EFCAB5: variants seen among roughly 807,000 people sequenced by gnomAD.
EFCAB5 encodes the protein EF-hand calcium-binding domain-containing protein 5.
A neutral mutation model predicts 167.9 loss-of-function variants in EFCAB5; 131 were observed. The observed-to-expected ratio is 0.78, with a 90% CI of 0.68 to 0.90. The LOEUF (loss-of-function observed/expected upper bound fraction) is 0.90. EFCAB5 is among the 40% of genes least tolerant of loss of function. The pLI, the probability that EFCAB5 is intolerant of heterozygous loss-of-function variation, is 0.00. For missense variants in EFCAB5, 1,663 were observed against 1,745.2 expected (o/e 0.95, Z 0.84); for synonymous variants, 574 against 602.8 (o/e 0.95, Z 0.70).
intron 8 of EFCAB5, among the ~76,000 whole-genome samples, chr17:30,049,243 A>G (rs1408302746): frequency 6.6e-6 from 1 of 152,108 alleles, no homozygotes; most frequent in Non-Finnish European, 1.5e-5. Flanking sequence ...TTGCTTTGGG[A>G]GGCTGAGGTG....
rs1485034649 is a variant in EFCAB5, at chr17:29,968,817, A to C, written c.217A>C (p.Ile73Leu). The C allele has an allele frequency of 2.7e-6, 4 of 1,505,198 alleles. No homozygotes were observed. Among genetic ancestry groups the C allele is most frequent in the African/African-American group, 1.4e-5 (1 of 70,884 alleles). The allele number at this position is 1,505,198 out of a possible 1,614,324, so 93.2% of individuals were successfully genotyped here. ...QELNLEGQRKISPGSIKDSKT... is the reference protein window; with the variant it reads ...QELNLEGQRKLSPGSIKDSKT... ...ATTAAACCTGGAGGGGCAGCGAAAA[A>C]TTTCACCTGGTTCAATAAAGGACTC... The change falls in exon 4 of 23, where the codon ATT becomes CTT. Residue 73 changes from isoleucine (I) to leucine (L), a missense_variant. Transcript: ENST00000394835.
At chr17:29,957,625 C>T (rs926393096) in intron 3 of EFCAB5, among the ~76,000 whole-genome samples, 4 of 152,170 alleles carry the variant, frequency 2.6e-5, no homozygotes, top group African/African-American at 9.7e-5. Context: ...TAATGACTTC[C>T]AGCTCCATCC....
At chr17:29,999,760 C>T in intron 6 of EFCAB5, 146 bp from the exon 7 acceptor site, 1 of 489,942 alleles carries the variant, frequency 2.0e-6, no homozygotes, top group East Asian at 3.5e-5. Context: ...GGTATGTTAC[C>T]CAACTATATG....
intron 22 of EFCAB5, among the ~76,000 whole-genome samples, chr17:30,105,807 G>GGT (rs1351348466): frequency 1.3e-5 from 2 of 151,820 alleles, no homozygotes; most frequent in African/African-American, 4.8e-5. Flanking sequence ...ATGCCAGGGT[G>GGT]GTGTGTGTGT....
At chr17:29,959,571 T>C (rs1403419315) in intron 3 of EFCAB5, among the ~76,000 whole-genome samples, 1 of 152,152 alleles carries the variant, frequency 6.6e-6, no homozygotes, top group Non-Finnish European at 1.5e-5. Flanking sequence ...TACTGGGTCC[T>C]TTCCTTCAAG....
intron 14 of EFCAB5, among the ~76,000 whole-genome samples, chr17:30,077,843 C>T (rs1427147479): frequency 3.9e-5 from 6 of 152,162 alleles, no homozygotes; most frequent in Non-Finnish European, 8.8e-5. Context: ...AACGCTGGCT[C>T]TGGGGTTATG....
At chr17:30,012,698 C>A (rs1432136879) in intron 7 of EFCAB5, among the ~76,000 whole-genome samples, 1 of 152,156 alleles carries the variant, frequency 6.6e-6, no homozygotes, top group Non-Finnish European at 1.5e-5. Flanking sequence ...TCTTTTATCT[C>A]TTTGTCTTGT....
intron 4 of EFCAB5, among the ~76,000 whole-genome samples, chr17:29,988,899 C>CA (rs1290027315): frequency 6.6e-6 from 1 of 152,164 alleles, no homozygotes; most frequent in Non-Finnish European, 1.5e-5. Flanking sequence ...AAAAAATTAG[C>CA]AAATCTAGAG....
Position 30,078,454 on chromosome 17 carries a change from G to C in EFCAB5, c.2977G>C (p.Gly993Arg), listed in dbSNP as rs183224258. Residue 993 changes from glycine (G) to arginine (R), a missense_variant, in exon 15 of 23, where the codon GGG becomes CGG. By Grantham distance (125) the Gly-to-Arg change is moderately radical. Transcript: ENST00000394835. ...HQIQCAAETS[G>R]VSLEPVYSET... ...AATCCAATGTGCTGCAGAGACAAGTGGGGTGTCCCTAGAGCCGGTGTATAG... is the reference window on the plus strand; with the variant it reads ...AATCCAATGTGCTGCAGAGACAAGTCGGGTGTCCCTAGAGCCGGTGTATAG... 6.2e-7 allele frequency: 1 copy of C among 1,613,518 alleles called. No homozygotes were observed. The highest frequency in any genetic ancestry group is 8.5e-7 in the Non-Finnish European group (1 of 1,179,700).
chr17:30,098,041 C>T (rs2071328414), intron 22 of EFCAB5, among the ~76,000 whole-genome samples: 1 of 152,094 alleles, frequency 6.6e-6, no homozygotes, highest in South Asian at 2.1e-4. Flanking sequence ...CTCAAGCAAT[C>T]CTCTGGGCTC....
chr17:29,983,812 G>C (rs935390660), intron 4 of EFCAB5, among the ~76,000 whole-genome samples: 2 of 152,134 alleles, frequency 1.3e-5, no homozygotes, highest in African/African-American at 4.8e-5. Context: ...TGGCCCAGAA[G>C]CACAAAAGTA....
chr17:30,074,487 A>C (rs2070828626), intron 14 of EFCAB5: 1 of 152,174 alleles, frequency 6.6e-6, no homozygotes, highest in Non-Finnish European at 1.5e-5. Flanking sequence ...TGTATCAGCA[A>C]TTTGCTTCTT....
intron 1 of EFCAB5, 45 bp from the exon 2 acceptor site, chr17:29,942,195 A>G: frequency 6.6e-7 from 1 of 1,510,676 alleles, no homozygotes. Context: ...AGTTTAATCC[A>G]CAGCTCTTTT....
chr17:29,934,508 G>A (rs1478032509), intron 1 of EFCAB5, among the ~76,000 whole-genome samples: 1 of 152,120 alleles, frequency 6.6e-6, no homozygotes, highest in Non-Finnish European at 1.5e-5. Context: ...TAAACAAAAG[G>A]AAGAATGCTA....
At chr17:29,969,886 CA>C (rs2067913631) in intron 4 of EFCAB5, among the ~76,000 whole-genome samples, 2 of 152,030 alleles carry the variant, frequency 1.3e-5, no homozygotes, top group Admixed American at 1.3e-4. Context: ...TTTTCTTTTA[CA>C]CAAAAGCATG....
At chr17:29,931,511 G>A (rs555294546) in intron 1 of EFCAB5, among the ~76,000 whole-genome samples, 21 of 152,326 alleles carry the variant, frequency 1.4e-4, no homozygotes, top group African/African-American at 4.8e-4. Context: ...GTAGTGCAGA[G>A]AAGCCAGCTG....
At chr17:30,026,033 G>A (rs191083762) in intron 7 of EFCAB5, among the ~76,000 whole-genome samples, 7 of 151,822 alleles carry the variant, frequency 4.6e-5, no homozygotes, top group African/African-American at 9.7e-5. Flanking sequence ...GTGGGCGGAG[G>A]GGGGAGGGAT....
At chr17:29,951,160 T>C (rs2067500580) in intron 3 of EFCAB5, among the ~76,000 whole-genome samples, 2 of 152,252 alleles carry the variant, frequency 1.3e-5, no homozygotes, top group South Asian at 4.1e-4. Flanking sequence ...AATCAAAACT[T>C]GGGAGAGAGA....
intron 3 of EFCAB5, among the ~76,000 whole-genome samples, chr17:29,945,540 A>G (rs750622031): frequency 4.6e-5 from 7 of 152,160 alleles, no homozygotes; most frequent in Non-Finnish European, 8.8e-5. Flanking sequence ...AGCAAGACCC[A>G]ATCTCTAAAA....
Sources: gnomAD v4.1 joint callset for allele counts (sites outside exome capture counted in the v4.1 genomes callset) on GRCh38, gnomAD v4.1.1 for gene constraint, MANE v1.5 for transcripts, NCBI Gene and HGNC (gene_info 2026-07-23, HGNC 2026-07-21) for gene names.